The following VRK2 variants were observed in gnomAD, a reference collection of about 807,000 sequenced individuals.
VRK2 encodes VRK serine/threonine kinase 2, also known as serine/threonine-protein kinase VRK2.
A neutral mutation model predicts 57.6 loss-of-function variants in VRK2; 60 were observed. The ratio of observed to expected loss-of-function variants is 1.04; its 90% CI spans 0.85 to 1.29. The LOEUF (loss-of-function observed/expected upper bound fraction) is 1.29, where lower values mean the gene tolerates loss of function less well. Among genes scored for constraint, VRK2 ranks in the 50% most tolerant of loss-of-function variants. The pLI is 0.00. For synonymous variants in VRK2, 231 were observed against 199.2 expected (o/e 1.16, Z -1.35); for missense variants, 705 against 588.1 (o/e 1.20, Z -2.06).
At chr2:58,048,337 CCTAG>C (rs1170055101) in intron 1 of VRK2, among the ~76,000 whole-genome samples, 5 of 152,068 alleles carry the variant, frequency 3.3e-5, no homozygotes, top group Non-Finnish European at 7.4e-5. Context: ...TTACTGAGTA[CCTAG>C]TATCACGGTG....
intron 3 of VRK2, 83 bp from the exon 4 acceptor site, chr2:58,084,798 G>T: frequency 3.3e-6 from 3 of 905,860 alleles, no homozygotes; most frequent in South Asian, 1.6e-5. Context: ...ACATATATAT[G>T]TTCATATTTT....
At chr2:57,934,650 A>C (rs1161152181) in intron 1 of VRK2, among the ~76,000 whole-genome samples, 1 of 152,188 alleles carries the variant, frequency 6.6e-6, no homozygotes, top group African/African-American at 2.4e-5. Context: ...CATTTCTTTA[A>C]ATAAGATTTC....
chr2:58,080,595 A>C (rs998825439), intron 2 of VRK2, among the ~76,000 whole-genome samples: 1 of 151,576 alleles, frequency 6.6e-6, no homozygotes, highest in Non-Finnish European at 1.5e-5. Context: ...TCCTTTTGTG[A>C]TTAGGTTAGA....
In VRK2 at chr2:57,914,623, C is replaced by T. The variant is rs774248377; in HGVS notation, c.-439+6784C>T. Among the ~76,000 whole-genome samples, 30 of 152,082 alleles carry T rather than the reference C, an allele frequency of 2.0e-4. 1 individual carries two copies. The highest frequency in any genetic ancestry group is 3.2e-3 in the Middle Eastern group (1 of 316). The stretch of plus-strand genomic sequence containing the variant: ...AAATATCCGAAAAGGTGTTAAACAA[C>T]TCAGGTAAGACTTCTCATTTAAGGT... On this transcript the variant is annotated intron_variant, in intron 1 of 15. Coordinates refer to the VRK2 transcript ENST00000417641.
At chr2:57,965,750 A>T (rs1280863387) in intron 1 of VRK2, among the ~76,000 whole-genome samples, 1 of 152,152 alleles carries the variant, frequency 6.6e-6, no homozygotes, top group Non-Finnish European at 1.5e-5. Flanking sequence ...CATCCATTTC[A>T]TGAGATTCCG....
intron 2 of VRK2, among the ~76,000 whole-genome samples, chr2:58,069,027 A>G (rs1306049561): frequency 3.9e-5 from 6 of 152,074 alleles, no homozygotes; most frequent in Non-Finnish European, 8.8e-5. Flanking sequence ...ATTATTATCT[A>G]TTCATTGTCT....
chr2:58,098,455 C>T (rs537252107), intron 7 of VRK2, among the ~76,000 whole-genome samples: 23 of 152,090 alleles, frequency 1.5e-4, no homozygotes, highest in African/African-American at 5.5e-4. Flanking sequence ...AAGTTCCATT[C>T]GTGGTAAATG....
intron 3 of VRK2, among the ~76,000 whole-genome samples, chr2:58,036,929 A>C (rs982643768): frequency 6.6e-6 from 1 of 151,978 alleles, no homozygotes; most frequent in Non-Finnish European, 1.5e-5. Flanking sequence ...CATTTTGCTT[A>C]ATCTTAATTT....
At chr2:57,971,227 C>G (rs1172780552) in intron 1 of VRK2, among the ~76,000 whole-genome samples, 1 of 151,958 alleles carries the variant, frequency 6.6e-6, no homozygotes, top group Non-Finnish European at 1.5e-5. Flanking sequence ...TGCAAACTTG[C>G]AAGAGCCCTC....
intron 1 of VRK2, among the ~76,000 whole-genome samples, chr2:57,998,649 T>G (rs978519140): frequency 1.3e-5 from 2 of 152,204 alleles, no homozygotes; most frequent in Admixed American, 6.5e-5. Context: ...ACGGGCCTGA[T>G]GAACCATAAG....
intron 1 of VRK2, among the ~76,000 whole-genome samples, chr2:57,962,146 T>C (rs569086273): frequency 6.6e-6 from 1 of 152,154 alleles, no homozygotes; most frequent in South Asian, 2.1e-4. Context: ...AAAGGCTGAG[T>C]ACATATCCAG....
At chr2:58,134,167 C>T (rs886284925) in intron 9 of VRK2, among the ~76,000 whole-genome samples, 4 of 152,088 alleles carry the variant, frequency 2.6e-5, no homozygotes, top group African/African-American at 9.7e-5. Context: ...AACCAGAATT[C>T]CTCTTCCCCA....
chr2:58,096,791 T>C (rs995866159), intron 7 of VRK2, among the ~76,000 whole-genome samples: 4 of 151,840 alleles, frequency 2.6e-5, no homozygotes, highest in Admixed American at 1.3e-4. Flanking sequence ...GTTCTCCAAT[T>C]GGATGTCCCT....
intron 2 of VRK2, among the ~76,000 whole-genome samples, chr2:58,052,219 G>T (rs892048776): frequency 6.6e-6 from 1 of 152,180 alleles, no homozygotes; most frequent in Non-Finnish European, 1.5e-5. Flanking sequence ...AATAATAATT[G>T]TGAGGAGAAT....
chr2:57,933,673 T>C (rs969906399), intron 1 of VRK2, among the ~76,000 whole-genome samples: 1 of 151,562 alleles, frequency 6.6e-6, no homozygotes, highest in Non-Finnish European at 1.5e-5. Context: ...GTTTTTTTTT[T>C]CTTATCCATC....
intron 1 of VRK2, among the ~76,000 whole-genome samples, chr2:57,978,518 C>T (rs545780199): frequency 6.6e-6 from 1 of 151,138 alleles, no homozygotes; most frequent in Admixed American, 6.6e-5. Flanking sequence ...GCAGAACAAT[C>T]TTTATGAAAT....
intron 1 of VRK2, among the ~76,000 whole-genome samples, chr2:57,915,002 C>CA (rs1270077463): frequency 5.9e-5 from 9 of 151,856 alleles, no homozygotes; most frequent in Admixed American, 2.0e-4. Flanking sequence ...GATCCTCACA[C>CA]AAAAAATACA....
intron 1 of VRK2, among the ~76,000 whole-genome samples, chr2:57,930,129 G>A (rs1221433560): frequency 1.3e-5 from 2 of 152,138 alleles, no homozygotes; most frequent in Non-Finnish European, 2.9e-5. Context: ...CACAGCACCA[G>A]GACTTGCCGA....
intron 7 of VRK2, among the ~76,000 whole-genome samples, chr2:58,092,677 T>C (rs1423561370): frequency 3.9e-5 from 6 of 152,110 alleles, no homozygotes; most frequent in East Asian, 1.9e-4. Flanking sequence ...CATTTTTTTT[T>C]CCATACTTTA....
Sources: allele counts gnomAD v4.1 joint callset (sites outside exome capture counted in the v4.1 genomes callset), GRCh38; gene constraint gnomAD v4.1.1; transcripts MANE v1.5; gene names NCBI Gene and HGNC (gene_info 2026-07-23, HGNC 2026-07-21).